Variants in ZFHX3 observed in about 807,000 individuals in gnomAD.
The protein encoded by ZFHX3 is zinc finger homeobox protein 3.
In ZFHX3, 42 loss-of-function variants were observed where a neutral mutation model predicts 279.1. That is an observed-to-expected ratio of 0.15 (90% CI 0.12 to 0.19). The LOEUF (loss-of-function observed/expected upper bound fraction) is 0.19, where lower values mean the gene tolerates loss of function less well. Among genes scored for constraint, ZFHX3 ranks in the 10% least tolerant of loss-of-function variants. ZFHX3 has a pLI of 1.00. For synonymous variants in ZFHX3, 2,293 were observed against 1,957.8 expected (o/e 1.17, Z -4.52); for missense variants, 4,981 against 4,754.0 (o/e 1.05, Z -1.40).
At chr16:73,267,443 G>A (rs773914298) in intron 4 of ZFHX3, among the ~76,000 whole-genome samples, 18 of 152,068 alleles carry the variant, frequency 1.2e-4, no homozygotes, top group Middle Eastern at 3.2e-3. Context: ...ATATGGAGTC[G>A]TCCCTGATGA....
chr16:73,197,500 T>C (rs891396366), intron 5 of ZFHX3, among the ~76,000 whole-genome samples: 9 of 152,232 alleles, frequency 5.9e-5, no homozygotes, highest in Non-Finnish European at 1.3e-4. Flanking sequence ...GCAATTGGAT[T>C]GTATATGCTC....
intron 1 of ZFHX3, among the ~76,000 whole-genome samples, chr16:73,831,608 TCA>T (rs1037122303): frequency 6.6e-6 from 1 of 152,208 alleles, no homozygotes; most frequent in Non-Finnish European, 1.5e-5. Context: ...TTTTTCTCCA[TCA>T]CACAGACAGT....
chr16:72,869,624 C>T (rs1405439920), intron 4 of ZFHX3, among the ~76,000 whole-genome samples: 1 of 152,176 alleles, frequency 6.6e-6, no homozygotes, highest in Non-Finnish European at 1.5e-5. Context: ...TGCTGAATTT[C>T]CTGATCATCT....
At chr16:73,160,951 T>C (rs1967221250) in intron 5 of ZFHX3, among the ~76,000 whole-genome samples, 1 of 151,988 alleles carries the variant, frequency 6.6e-6, no homozygotes, top group African/African-American at 2.4e-5. Flanking sequence ...GCTATAACTT[T>C]CTTTGGCCAA....
In ZFHX3 at chr16:72,923,119, T is replaced by C. The variant is rs115616340; in HGVS notation, c.3216+27350A>G. Among the ~76,000 whole-genome samples the C allele has an allele frequency of 3.6e-3, 542 of 152,210 alleles. 3 individuals carry two copies. The highest frequency in any genetic ancestry group is 0.013 in the African/African-American group (529 of 41,426). On this transcript the variant is annotated intron_variant, in intron 3 of 9. Coordinates refer to ENST00000268489, the MANE Select transcript of ZFHX3 (RefSeq NM_006885.4). The stretch of plus-strand genomic sequence containing the variant: ...TTGTGTACATAAATAGAAGCTGGCA[T>C]CTATCTGTCTACAACAAGAATAGAA...
intron 3 of ZFHX3, among the ~76,000 whole-genome samples, chr16:73,441,464 A>C (rs2018091183): frequency 6.6e-6 from 1 of 152,180 alleles, no homozygotes; most frequent in Non-Finnish European, 1.5e-5. Flanking sequence ...CATCCAGCCA[A>C]CCAATCAATC....
rs759881942 is a variant in ZFHX3 at position 72,787,484 on chromosome 16, G to C, written c.10792C>G (p.Pro3598Ala). The C allele has an allele frequency of 6.2e-7, 1 of 1,612,292 alleles. No individual in the cohort carries two copies. Among genetic ancestry groups the C allele is most frequent in the Non-Finnish European group, 8.5e-7 (1 of 1,178,800 alleles). ...QSAAHSNDSPPPPSAAAPSSA... is the reference protein window; with the variant it reads ...QSAAHSNDSPAPPSAAAPSSA... ...GAGGGGGCGGCGGCCGACGGGGGAGGGGGGCTGTCGTTTGAGTGAGCGGCA... is the reference window on the plus strand; with the variant it reads ...GAGGGGGCGGCGGCCGACGGGGGAGCGGGGCTGTCGTTTGAGTGAGCGGCA... Residue 3598 changes from proline (P) to alanine (A), a missense_variant, in exon 10 of 10, where the codon CCT (proline) becomes GCT (alanine). Pro to Ala is a conservative substitution (Grantham distance 27). This residue lies in a region of ZFHX3 where 1,034 missense variants were observed against 786.0 expected (regional missense o/e 1.32). Coordinates refer to ENST00000268489, the MANE Select transcript of ZFHX3 (RefSeq NM_006885.4).
At chr16:73,181,796 G>A (rs546055660) in intron 5 of ZFHX3, among the ~76,000 whole-genome samples, 15 of 152,114 alleles carry the variant, frequency 9.9e-5, no homozygotes, top group East Asian at 3.9e-4. Flanking sequence ...GTGGTTGGGC[G>A]TTCTGTGAAC....
intron 4 of ZFHX3, among the ~76,000 whole-genome samples, chr16:72,887,408 G>T (rs1436173251): frequency 1.3e-5 from 2 of 152,192 alleles, no homozygotes; most frequent in Non-Finnish European, 2.9e-5. Context: ...ACATGGCTCA[G>T]CTGCGATTAA....
chr16:73,046,031 C>A (rs1331546422), intron 1 of ZFHX3, among the ~76,000 whole-genome samples: 1 of 152,136 alleles, frequency 6.6e-6, no homozygotes, highest in Non-Finnish European at 1.5e-5. Context: ...GAAAACTATG[C>A]TGGAAACACC....
intron 1 of ZFHX3, among the ~76,000 whole-genome samples, chr16:73,777,478 C>T (rs1326423315): frequency 8.4e-6 from 1 of 118,700 alleles, no homozygotes; most frequent in African/African-American, 3.2e-5. Flanking sequence ...CACTGCGCTC[C>T]AGCCTGGGCG....
Position 73,741,678 on chromosome 16 carries a change from G to A in ZFHX3, c.-1607-61438C>T, listed in dbSNP as rs138282629. Among the ~76,000 whole-genome samples, 530 of 152,224 alleles carry A rather than the reference G, an allele frequency of 3.5e-3. 1 individual carries two copies. The highest frequency in any genetic ancestry group is 5.5e-3 in the Non-Finnish European group (373 of 68,014). On this transcript the variant is annotated intron_variant, in intron 1 of 17. Transcript: ENST00000641206. ...AGGAGACAAAATGCCATCATTTCCA[G>A]ACTACCCACATTTGTTTACTTATCT...
chr16:73,644,224 T>TC (rs1483305656), intron 2 of ZFHX3, among the ~76,000 whole-genome samples: 1 of 152,142 alleles, frequency 6.6e-6, no homozygotes, highest in Admixed American at 6.5e-5. Context: ...GTTGATGACT[T>TC]CCGAGTCCTC....
At chr16:73,433,417 A>C (rs766139961) in intron 3 of ZFHX3, among the ~76,000 whole-genome samples, 44 of 152,220 alleles carry the variant, frequency 2.9e-4, no homozygotes, top group Non-Finnish European at 5.9e-4. Flanking sequence ...TAGATACCGC[A>C]TCAAAAACAT....
intron 2 of ZFHX3, among the ~76,000 whole-genome samples, chr16:73,573,920 A>G (rs1467501545): frequency 6.6e-6 from 1 of 152,068 alleles, no homozygotes; most frequent in Non-Finnish European, 1.5e-5. Flanking sequence ...TTGCTGGTCC[A>G]CCCATACCTA....
intron 3 of ZFHX3, among the ~76,000 whole-genome samples, chr16:72,906,715 T>G (rs2039182766): frequency 6.6e-6 from 1 of 152,116 alleles, no homozygotes; most frequent in South Asian, 2.1e-4. Context: ...GGAGAATCAC[T>G]TGAGCCTGGG....
intron 2 of ZFHX3, among the ~76,000 whole-genome samples, chr16:73,660,778 G>A (rs1399096132): frequency 6.6e-6 from 1 of 152,128 alleles, no homozygotes; most frequent in African/African-American, 2.4e-5. Flanking sequence ...TATTGCATAA[G>A]TTAATCAGAA....
At chr16:73,169,438 T>C (rs1445025687) in intron 5 of ZFHX3, among the ~76,000 whole-genome samples, 2 of 152,170 alleles carry the variant, frequency 1.3e-5, no homozygotes, top group Non-Finnish European at 2.9e-5. Context: ...CTTTCACTTC[T>C]GGGCAGTATC....
intron 4 of ZFHX3, among the ~76,000 whole-genome samples, chr16:72,855,551 A>G (rs1338533688): frequency 2.0e-5 from 3 of 152,272 alleles, no homozygotes; most frequent in Non-Finnish European, 4.4e-5. Context: ...ATTCATTCTC[A>G]GTATATCCTC....
Sources: allele counts gnomAD v4.1 joint callset (sites outside exome capture counted in the v4.1 genomes callset), GRCh38; gene constraint gnomAD v4.1.1; regional missense constraint gnomAD v4.1.1; transcripts MANE v1.5; gene names NCBI Gene and HGNC (gene_info 2026-07-23, HGNC 2026-07-21).